Variants in PTPRT observed in about 807,000 individuals in gnomAD.
The protein encoded by PTPRT is protein tyrosine phosphatase receptor type T.
Under a neutral mutation model 176.8 loss-of-function variants are expected in PTPRT, and 56 were observed. That is an observed-to-expected ratio of 0.32 (90% CI 0.26 to 0.40). The LOEUF (loss-of-function observed/expected upper bound fraction) is 0.40. Among genes scored for constraint, PTPRT ranks in the 10% least tolerant of loss-of-function variants. The pLI is 1.00. For synonymous variants in PTPRT, 783 were observed against 739.0 expected (o/e 1.06, Z -0.96); for missense variants, 1,540 against 1,908.2 (o/e 0.81, Z 3.60).
intron 14 of PTPRT, among the ~76,000 whole-genome samples, chr20:42,241,424 G>C (rs2056352005): frequency 6.6e-6 from 1 of 152,146 alleles, no homozygotes; most frequent in African/African-American, 2.4e-5. Flanking sequence ...TAAGCAGCTT[G>C]GTCTCAGTCC....
intron 1 of PTPRT, among the ~76,000 whole-genome samples, chr20:43,149,765 C>A (rs1404934428): frequency 2.6e-5 from 4 of 152,236 alleles, no homozygotes; most frequent in Admixed American, 6.5e-5. Flanking sequence ...TAACCCTCAT[C>A]TACCATTACT....
At position 42,495,294 on chromosome 20, in the gene PTPRT, C is replaced by T. The variant is rs373181798; in HGVS notation, c.1154-22732G>A. ...GTCACTGGGTAAGCTGTGGTAGGTTCAGCACTTTAACTGGGCACCTAGCCC... is the reference window on the plus strand; with the variant it reads ...GTCACTGGGTAAGCTGTGGTAGGTTTAGCACTTTAACTGGGCACCTAGCCC... On this transcript the variant is annotated intron_variant, in intron 7 of 30. Transcript: ENST00000373187. 1.9e-3 allele frequency among the ~76,000 whole-genome samples: 287 copies of T among 152,266 alleles called. 4 individuals carry two copies. The highest frequency in any genetic ancestry group is 3.4e-3 in the Middle Eastern group (1 of 294).
intron 5 of PTPRT, among the ~76,000 whole-genome samples, chr20:42,766,105 C>T: frequency 6.6e-6 from 1 of 152,104 alleles, no homozygotes; most frequent in Non-Finnish European, 1.5e-5. Context: ...TTGGTATAGC[C>T]CCACCTAGTT....
chr20:42,616,181 T>C lies in PTPRT; in HGVS notation c.1153+61685A>G, dbSNP rs982097268. Among the ~76,000 whole-genome samples the C allele has an allele frequency of 3.0e-4, 37 of 124,408 alleles. 1 individual carries two copies. Among genetic ancestry groups the C allele is most frequent in the African/African-American group, 1.1e-3 (29 of 25,352 alleles). 81.6% of individuals were successfully genotyped at this position (124,408 alleles called of 152,430 possible). ...GGCTAGCCAGTTTTCCCAGCACCAT[T>C]TATTAAATAGGGAATCCTTTCCCCA... On this transcript the variant is annotated intron_variant, in intron 7 of 30. Transcript: ENST00000373187.
Position 42,627,313 on chromosome 20 carries a change from G to T in PTPRT, c.1153+50553C>A, listed in dbSNP as rs910896777. Among the ~76,000 whole-genome samples, 7 of 151,640 alleles carry T rather than the reference G, an allele frequency of 4.6e-5. No homozygotes were observed. The East Asian group carries it at 1.2e-3, about 25-fold the overall frequency. ...ATTTTTTATTTTTTTAAGAGATAGG[G>T]TCTCTTTCACCTAGGCTAGAGCTTA... On this transcript the variant is annotated intron_variant, in intron 7 of 30. Transcript: ENST00000373187.
intron 12 of PTPRT, among the ~76,000 whole-genome samples, chr20:42,299,641 CTTTTTTTT>C (rs34045854): frequency 4.0e-4 from 34 of 85,992 alleles, no homozygotes; most frequent in Non-Finnish European, 4.3e-4. Flanking sequence ...GAACTTTTGC[CTTTTTTTT>C]TTTTTTTTTT....
At chr20:42,088,532 C>G (rs1380829271) in intron 27 of PTPRT, among the ~76,000 whole-genome samples, 2 of 152,208 alleles carry the variant, frequency 1.3e-5, no homozygotes, top group Admixed American at 1.3e-4. Flanking sequence ...CTCCCACCTT[C>G]TTAGCTGTGG....
rs118068525 is a variant in PTPRT at position 42,794,781 on chromosome 20, G to A, written c.215-3315C>T. Among the ~76,000 whole-genome samples, 821 of 150,320 alleles carry A rather than the reference G, an allele frequency of 5.5e-3. 4 individuals are homozygous for A. The highest frequency in any genetic ancestry group is 9.1e-3 in the Admixed American group (135 of 14,858). On this transcript the variant is annotated intron_variant, in intron 2 of 30. Transcript: ENST00000373187. The stretch of plus-strand genomic sequence containing the variant: ...ATATCATTAAGAGCAGCAAGCCTTG[G>A]TGGTAACTTGGGAGGCATTTGAAAT...
chr20:42,389,679 C>T (rs1476553497), intron 9 of PTPRT, among the ~76,000 whole-genome samples: 1 of 151,760 alleles, frequency 6.6e-6, no homozygotes, highest in African/African-American at 2.4e-5. Flanking sequence ...ACAATGAGAC[C>T]CTGTCACCAC....
chr20:42,678,261 A>C, intron 6 of PTPRT, 102 bp from the exon 7 acceptor site: 4 of 1,129,280 alleles, frequency 3.5e-6, no homozygotes, highest in East Asian at 2.6e-5. Flanking sequence ...TGTAGCCACA[A>C]AAAAAATAGT....
chr20:43,101,837 A>G (rs1051863583), intron 1 of PTPRT, among the ~76,000 whole-genome samples: 1 of 152,242 alleles, frequency 6.6e-6, no homozygotes, highest in African/African-American at 2.4e-5. Flanking sequence ...CAAGGGTGTC[A>G]GCTGCATGTC....
chr20:43,137,842 A>G (rs1018215126), intron 1 of PTPRT, among the ~76,000 whole-genome samples: 1 of 152,160 alleles, frequency 6.6e-6, no homozygotes, highest in African/African-American at 2.4e-5. Flanking sequence ...GCTGCCATAA[A>G]TCAGCCTGGA....
chr20:42,187,371 G>A (rs1050789032), intron 16 of PTPRT, among the ~76,000 whole-genome samples: 3 of 152,124 alleles, frequency 2.0e-5, no homozygotes, highest in Admixed American at 2.0e-4. Context: ...ACCTAGTTAA[G>A]AGCATCTCAC....
At chr20:42,393,350 A>T (rs2058818954) in intron 9 of PTPRT, among the ~76,000 whole-genome samples, 1 of 152,230 alleles carries the variant, frequency 6.6e-6, no homozygotes, top group African/African-American at 2.4e-5. Context: ...AATAATTTGA[A>T]CATAACACAA....
At chr20:42,626,048 T>C (rs759090730) in intron 7 of PTPRT, among the ~76,000 whole-genome samples, 8 of 152,008 alleles carry the variant, frequency 5.3e-5, no homozygotes, top group Non-Finnish European at 7.4e-5. Context: ...CTAAACACTT[T>C]TCGATATCAG....
chr20:42,054,954 G>A, the PTPRT span, among the ~76,000 whole-genome samples: 38,078 of 152,122 alleles, frequency 0.25, 5,067 homozygotes, highest in Middle Eastern at 0.35. Context: ...GATATACACT[G>A]TAGAAAAGGA....
chr20:43,022,215 G>C (rs1427919790), intron 1 of PTPRT, among the ~76,000 whole-genome samples: 1 of 152,236 alleles, frequency 6.6e-6, no homozygotes, highest in Non-Finnish European at 1.5e-5. Flanking sequence ...TGTCTGACCA[G>C]ATAATCAATG....
chr20:42,656,679 A>G (rs747583337), intron 7 of PTPRT, among the ~76,000 whole-genome samples: 3 of 152,206 alleles, frequency 2.0e-5, no homozygotes, highest in Non-Finnish European at 2.9e-5. Flanking sequence ...AAAAAATATT[A>G]CATATGTGCA....
intron 1 of PTPRT, among the ~76,000 whole-genome samples, chr20:43,120,356 C>T (rs1308451191): frequency 1.3e-5 from 2 of 151,940 alleles, no homozygotes; most frequent in Non-Finnish European, 2.9e-5. Flanking sequence ...ACTGCAAGCT[C>T]CGCCTCCCGG....
Sources: gnomAD v4.1 joint callset for allele counts (sites outside exome capture counted in the v4.1 genomes callset) on GRCh38, gnomAD v4.1.1 for gene constraint, MANE v1.5 for transcripts, NCBI Gene and HGNC (gene_info 2026-07-23, HGNC 2026-07-21) for gene names.